Variants in UEVLD observed in about 807,000 individuals in gnomAD.
UEVLD encodes ubiquitin-conjugating enzyme E2 variant 3.
Under a neutral mutation model 58.6 loss-of-function variants are expected in UEVLD, and 47 were observed. That is an observed-to-expected ratio of 0.80 (90% confidence interval 0.63 to 1.02). UEVLD has a LOEUF of 1.02. Ranked by LOEUF, UEVLD falls within the 50% of genes least tolerant of loss-of-function variation. The probability of loss-of-function intolerance (pLI) is 0.00; values close to 1 mark genes in which losing one functional copy is unlikely to be tolerated. For synonymous variants in UEVLD, 197 were observed against 195.3 expected, an observed-to-expected ratio of 1.01 and a Z score of -0.07; for missense variants, 510 against 550.6, an observed-to-expected ratio of 0.93 and a Z score of 0.74.
intron 8 of UEVLD, among the ~76,000 whole-genome samples, chr11:18,545,527 C>G (rs1053962738): frequency 6.6e-6 from 1 of 152,138 alleles, no homozygotes; most frequent in African/African-American, 2.4e-5. Context: ...TCACTGCAAC[C>G]TCTGCCTCCC....
chr11:18,584,482 C>T (rs1372958133), intron 1 of UEVLD, among the ~76,000 whole-genome samples: 1 of 152,064 alleles, frequency 6.6e-6, no homozygotes, highest in Non-Finnish European at 1.5e-5. Flanking sequence ...AAGCTTTCTG[C>T]CATAATGGAA....
chr11:18,580,610 G>A (rs1350541487), intron 1 of UEVLD, among the ~76,000 whole-genome samples: 39 of 145,256 alleles, frequency 2.7e-4, no homozygotes, highest in Admixed American at 2.5e-3. Context: ...GACACAGGAA[G>A]TGCCTGCCTC....
intron 1 of UEVLD, among the ~76,000 whole-genome samples, chr11:18,585,110 C>T (rs992867025): frequency 6.6e-6 from 1 of 152,094 alleles, no homozygotes; most frequent in African/African-American, 2.4e-5. Flanking sequence ...AGGCTTGTCT[C>T]AAACTCCTGG....
At position 18,578,768 on chromosome 11, in the gene UEVLD, A is replaced by G. The variant is rs1853072074; in HGVS notation, c.83T>C (p.Val28Ala). 1 of 1,608,898 alleles carries G rather than the reference A, an allele frequency of 6.2e-7. No individual in the cohort carries two copies. The highest frequency in any genetic ancestry group is 8.5e-7 in the Non-Finnish European group (1 of 1,177,610). ...TTTGAAATGTGGGAAAAATACATTT[A>G]CATTCCTTAGTTCTTCCACAGTTAG... The part of the protein sequence containing the change: ...RDLTVEELRN[V>A]NVFFPHFKYS... Residue 28 changes from valine to alanine, a missense_variant, in exon 2 of 12, where the codon GTA becomes GCA. By Grantham distance (64) the Val-to-Ala change is moderately conservative. Coordinates refer to ENST00000396197, the MANE Select transcript of UEVLD (RefSeq NM_001040697.4).
At chr11:18,535,992 G>C (rs1850778318) in intron 10 of UEVLD, among the ~76,000 whole-genome samples, 1 of 152,108 alleles carries the variant, frequency 6.6e-6, no homozygotes, top group Non-Finnish European at 1.5e-5. Flanking sequence ...AAAATTACTG[G>C]GCATGGTGGC....
chr11:18,534,347 C>T lies in UEVLD; in HGVS notation c.1231G>A (p.Val411Ile). ...IVNNKKKVHS[V>I]SALAKGYYDI... ...GCAATTACCTTTGCTAAAGCTGATACAGAATGCACTTTCTTCTTATTGTTT... is the reference window on the plus strand; with the variant it reads ...GCAATTACCTTTGCTAAAGCTGATATAGAATGCACTTTCTTCTTATTGTTT... Residue 411 changes from valine (V) to isoleucine (I), a missense_variant, in exon 11 of 12, where the codon GTA becomes ATA. Transcript: ENST00000396197. The T allele has an allele frequency of 6.5e-7, 1 of 1,544,584 alleles. No individual in the cohort carries two copies. The highest frequency in any genetic ancestry group is 8.7e-7 in the Non-Finnish European group (1 of 1,154,126).
At chr11:18,570,895 G>A (rs1852570280) in intron 3 of UEVLD, among the ~76,000 whole-genome samples, 1 of 149,210 alleles carries the variant, frequency 6.7e-6, no homozygotes, top group Non-Finnish European at 1.5e-5. Context: ...TAACATTTGA[G>A]TAAGTTTAAT....
chr11:18,530,544 T>C lies in UEVLD; in HGVS notation c.*1776A>G, dbSNP rs1042453045. 4.6e-5 allele frequency: 7 copies of C among 152,254 alleles called. No homozygotes were observed. Among genetic ancestry groups the C allele is most frequent in the South Asian group, 2.1e-4 (1 of 4,824 alleles). 9.4% of individuals were successfully genotyped at this position (152,254 alleles called of 1,614,324 possible). On this transcript the variant is annotated 3_prime_UTR_variant, in exon 12 of 12. Coordinates refer to ENST00000396197, the MANE Select transcript of UEVLD (RefSeq NM_001040697.4). The stretch of plus-strand genomic sequence containing the variant: ...ACTCCATCTGGATTAACCTATTATA[T>C]GCTTGCTTTATTTTTATTTTTTTAG...
chr11:18,586,797 A>G (rs1853582794), intron 1 of UEVLD, among the ~76,000 whole-genome samples: 5 of 152,146 alleles, frequency 3.3e-5, no homozygotes. Context: ...CTTAATTTAT[A>G]CAGCCAACAA....
At chr11:18,536,067 G>C (rs1394064403) in intron 10 of UEVLD, among the ~76,000 whole-genome samples, 1 of 152,194 alleles carries the variant, frequency 6.6e-6, no homozygotes, top group Non-Finnish European at 1.5e-5. Flanking sequence ...CCGGGAGGCG[G>C]AGGCTGCAGT....
At chr11:18,588,085 T>C (rs1023969695) in intron 1 of UEVLD, among the ~76,000 whole-genome samples, 7 of 152,102 alleles carry the variant, frequency 4.6e-5, no homozygotes, top group Admixed American at 1.3e-4. Context: ...TTGTCAAACA[T>C]AGTGGCTAGA....
intron 3 of UEVLD, among the ~76,000 whole-genome samples, chr11:18,571,780 A>G (rs900827331): frequency 1.3e-5 from 2 of 152,200 alleles, no homozygotes; most frequent in Non-Finnish European, 2.9e-5. Context: ...CAGCCTGGGC[A>G]ACAATGCAAG....
intron 7 of UEVLD, 94 bp from the exon 8 acceptor site, chr11:18,547,144 A>G: frequency 1.5e-6 from 2 of 1,329,472 alleles, no homozygotes; most frequent in Non-Finnish European, 2.0e-6. Context: ...AACAAATAAG[A>G]GAGCTTTTAG....
chr11:18,569,225 T>C (rs778219777), intron 4 of UEVLD, among the ~76,000 whole-genome samples: 1 of 152,186 alleles, frequency 6.6e-6, no homozygotes, highest in Non-Finnish European at 1.5e-5. Context: ...TATCCTTTTA[T>C]ACAGATTTTT....
intron 3 of UEVLD, among the ~76,000 whole-genome samples, chr11:18,574,606 TG>T (rs1852804112): frequency 6.6e-6 from 1 of 152,200 alleles, no homozygotes; most frequent in South Asian, 2.1e-4. Context: ...TCTGGAAAAA[TG>T]GGAAGAGTTA....
At chr11:18,541,701 T>C (rs1479662987) in intron 9 of UEVLD, among the ~76,000 whole-genome samples, 1 of 152,182 alleles carries the variant, frequency 6.6e-6, no homozygotes, top group Admixed American at 6.5e-5. Context: ...CACTGTGAAG[T>C]GATGTGATCA....
At chr11:18,561,159 GA>G in intron 6 of UEVLD, among the ~76,000 whole-genome samples, 1 of 152,196 alleles carries the variant, frequency 6.6e-6, no homozygotes, top group Non-Finnish European at 1.5e-5. Context: ...CTGATAAACA[GA>G]TTACCTGGTC....
intron 6 of UEVLD, among the ~76,000 whole-genome samples, chr11:18,564,305 A>C (rs570838929): frequency 1.3e-5 from 2 of 152,298 alleles, no homozygotes; most frequent in Non-Finnish European, 2.9e-5. Flanking sequence ...TCAGGGCTAC[A>C]TCTCTCAAAT....
intron 1 of UEVLD, among the ~76,000 whole-genome samples, chr11:18,582,273 G>C (rs1480352318): frequency 6.6e-6 from 1 of 151,926 alleles, no homozygotes; most frequent in African/African-American, 2.4e-5. Context: ...ACTCTTCTCG[G>C]GACTTAAAAA....
Sources: allele counts gnomAD v4.1 joint callset (sites outside exome capture counted in the v4.1 genomes callset), GRCh38; gene constraint gnomAD v4.1.1; transcripts MANE v1.5; gene names NCBI Gene and HGNC (gene_info 2026-07-23, HGNC 2026-07-21).